The following UBE2S variants were observed in gnomAD, a reference collection of about 807,000 sequenced individuals.
UBE2S encodes ubiquitin-conjugating enzyme E2 S.
A neutral mutation model predicts 12.3 loss-of-function variants in UBE2S; 3 were observed. The ratio of observed to expected loss-of-function variants is 0.24; its 90% confidence interval spans 0.11 to 0.63. UBE2S has a LOEUF of 0.63. Ranked by LOEUF, UBE2S falls within the 30% of genes least tolerant of loss-of-function variation. UBE2S has a pLI of 0.85. For synonymous variants in UBE2S, 133 were observed against 142.0 expected, an observed-to-expected ratio of 0.94 and a Z score of 0.45; for missense variants, 211 against 313.9, an observed-to-expected ratio of 0.67 and a Z score of 2.48.
intron 1 of UBE2S, 82 bp from the exon 2 acceptor site, chr19:55,407,044 A>G: frequency 6.6e-7 from 1 of 1,522,052 alleles, no homozygotes; most frequent in Non-Finnish European, 8.9e-7. Flanking sequence ...AGACTGCCCA[A>G]GTCTTGACTC....
In UBE2S at chr19:55,404,587, G is replaced by T; in HGVS notation, c.152-109C>A. The T allele has an allele frequency of 1.1e-6, 1 of 890,122 alleles. No individual in the cohort carries two copies. Among genetic ancestry groups the T allele is most frequent in the Non-Finnish European group, 1.7e-6 (1 of 588,288 alleles). 55.1% of individuals were successfully genotyped at this position (890,122 alleles called of 1,614,324 possible). A position where few individuals can be genotyped will look rare whatever the true frequency, so the allele number is the denominator to read the frequency against. On this transcript the variant is annotated intron_variant, in intron 2 of 3. Transcript: ENST00000264552. This position sits in a 1 kb window ranked among gnomAD's most constrained non-coding sequence, Gnocchi z 4.4. ...TGATTGTGATGCAGGTGGGTGCCCC[G>T]CCAACTCTGCCAACAGACTGGAGGA...
In UBE2S at chr19:55,402,314, C is replaced by G. The variant is rs1209140731; in HGVS notation, c.343-552G>C. 2.0e-5 allele frequency among the ~76,000 whole-genome samples: 3 copies of G among 152,216 alleles called. No individual in the cohort carries two copies. In the East Asian group the frequency reaches 5.8e-4, roughly 29 times the overall value. On this transcript the variant is annotated intron_variant, in intron 3 of 3. Transcript: ENST00000264552. ...TGACCTCTGTCTTTTATCAGACATC[C>G]GAAGTTCACAGCCTAAGACTCTAGC...
At position 55,399,960 on chromosome 19, in the gene UBE2S, C is replaced by T. The variant is rs943929108; in HGVS notation, c.*1476G>A. On this transcript the variant is annotated 3_prime_UTR_variant, in exon 4 of 4. Transcript: ENST00000264552. ...TTTCTTCCCTTGTCTTTCCTTCGCT[C>T]CCTGCACTGCTAGAGGTAGAGAGGA... 3 of 152,150 alleles carry T rather than the reference C, an allele frequency of 2.0e-5. No homozygotes were observed. Among genetic ancestry groups the T allele is most frequent in the African/African-American group, 4.8e-5 (2 of 41,430 alleles). 9.4% of individuals were successfully genotyped at this position (152,150 alleles called of 1,614,324 possible).
rs1259009714 is a variant in UBE2S, at chr19:55,406,942, T to C, written c.24A>G (p.Leu8=). MNSNVEN[L]PPHIIRLVYK... is the part of the protein sequence containing the mutation. ...ACACCAGGCGGATGATGTGCGGGGG[T>C]AGGTTCTCCACGTTGGAGTTCTGGG... Residue 8 remains leucine (L), a synonymous_variant, in exon 2 of 4, where the codon CTA becomes CTG. Transcript: ENST00000264552. 1.2e-6 allele frequency: 2 copies of C among 1,613,196 alleles called. No individual in the cohort carries two copies. The highest frequency in any genetic ancestry group is 8.5e-7 in the Non-Finnish European group (1 of 1,179,648).
In UBE2S at chr19:55,404,555, CA is replaced by C; in HGVS notation, c.152-78del. 1 of 1,355,962 alleles carries C rather than the reference CA, an allele frequency of 7.4e-7. No homozygotes were observed. Among genetic ancestry groups the C allele is most frequent in the Non-Finnish European group, 1.0e-6 (1 of 999,712 alleles). The allele number at this position is 1,355,962 out of a possible 1,614,324, so 84.0% of individuals were successfully genotyped here. A position where few individuals can be genotyped will look rare whatever the true frequency, so the allele number is the denominator to read the frequency against. On this transcript the variant is annotated intron_variant, in intron 2 of 3. Coordinates refer to ENST00000264552, the MANE Select transcript of UBE2S (RefSeq NM_014501.3). The surrounding 1 kb of genome is among the most constrained non-coding windows in gnomAD (Gnocchi z 4.4). ...CCTCAACACCCCAAAGTCCAGTCTC[CA>C]CGGTCTGATTGTGATGCAGGTGGGT...
intron 2 of UBE2S, among the ~76,000 whole-genome samples, chr19:55,405,685 T>C (rs1217540114): frequency 6.6e-6 from 1 of 152,100 alleles, no homozygotes; most frequent in Non-Finnish European, 1.5e-5. Context: ...CACAGGCCCT[T>C]CCCAGGTGGC....
At chr19:55,406,556 A>T (rs1412443747) in intron 2 of UBE2S, among the ~76,000 whole-genome samples, 2 of 152,174 alleles carry the variant, frequency 1.3e-5, no homozygotes, top group Non-Finnish European at 2.9e-5. Context: ...CCTCAGGTCC[A>T]GGGAAGCCAT....
chr19:55,400,149 C>G lies in UBE2S; in HGVS notation c.*1287G>C, dbSNP rs2123304132. On this transcript the variant is annotated 3_prime_UTR_variant, in exon 4 of 4. Coordinates refer to ENST00000264552, the MANE Select transcript of UBE2S (RefSeq NM_014501.3). The stretch of plus-strand genomic sequence containing the variant: ...AGGACAAAAGCAGCCTTTGAGTTTT[C>G]CACTCTCCTATGGGTCAGAACTTGT... 1.3e-5 allele frequency: 2 copies of G among 152,256 alleles called. No homozygotes were observed. Among genetic ancestry groups the G allele is most frequent in the East Asian group, 3.9e-4 (2 of 5,170 alleles). The allele number at this position is 152,256 out of a possible 1,614,324, so 9.4% of individuals were successfully genotyped here.
chr19:55,402,696 C>G (rs1600319361), intron 3 of UBE2S, among the ~76,000 whole-genome samples: 1 of 152,190 alleles, frequency 6.6e-6, no homozygotes, highest in Non-Finnish European at 1.5e-5. Context: ...GCTGGCTGAG[C>G]CCCTGACAGG....
At chr19:55,403,180 A>T (rs569780521) in intron 3 of UBE2S, 240 of 671,602 alleles carry the variant, frequency 3.6e-4, no homozygotes, top group Middle Eastern at 1.6e-3. Context: ...TGGGGGGCAA[A>T]ATCACCTCTG....
rs751915967 is a variant in UBE2S, at chr19:55,401,640, G to A, written c.465C>T (p.His155=). 1.5e-5 allele frequency: 24 copies of A among 1,607,510 alleles called. No individual in the cohort carries two copies. The highest frequency in any genetic ancestry group is 8.9e-5 in the East Asian group (4 of 44,748). ...TGCCGCTGGGCCCGCCGGCGCCCCC[G>A]TGGATCTCTGTGAGCAGACGGGCCC... is the stretch of plus-strand genomic sequence containing the variant. The part of the protein sequence containing the change: ...AARARLLTEI[H]GGAGGPSGRA... Residue 155 remains histidine (H), a synonymous_variant, in exon 4 of 4, where the codon CAC becomes CAT. Transcript: ENST00000264552.
rs768602325 is a variant in UBE2S at position 55,401,776 on chromosome 19, C to G, written c.343-14G>C. The G allele has an allele frequency of 6.2e-7, 1 of 1,612,826 alleles. No homozygotes were observed. Among genetic ancestry groups the G allele is most frequent in the African/African-American group, 1.3e-5 (1 of 74,948 alleles). Reference sequence around the variant, plus strand: ...GCACTTGATGGTCTGTGGGAAGAGGCTCAGGGTCACAGTGGGTCGGGCAAC... The same window carrying G: ...GCACTTGATGGTCTGTGGGAAGAGGGTCAGGGTCACAGTGGGTCGGGCAAC... On this transcript the variant is annotated splice_polypyrimidine_tract_variant and intron_variant, in intron 3 of 3. Coordinates refer to ENST00000264552, the MANE Select transcript of UBE2S (RefSeq NM_014501.3).
At position 55,401,176 on chromosome 19, in the gene UBE2S, C is replaced by CA. The variant is rs2090054815; in HGVS notation, c.*259dup. On this transcript the variant is annotated 3_prime_UTR_variant, in exon 4 of 4. Transcript: ENST00000264552. ...GGTGAGCTAGATGGACCCACTGCTG[C>CA]AGTCCATGAGGCTTTACAAGGACCC... 1.8e-6 allele frequency: 1 copy of CA among 540,588 alleles called. No individual in the cohort carries two copies. Among genetic ancestry groups the CA allele is most frequent in the African/African-American group, 1.9e-5 (1 of 51,738 alleles). 33.5% of individuals were successfully genotyped at this position (540,588 alleles called of 1,614,324 possible). A position where few individuals can be genotyped will look rare whatever the true frequency, so the allele number is the denominator to read the frequency against.
At chr19:55,407,047 C>G in intron 1 of UBE2S, 85 bp from the exon 2 acceptor site, 1 of 1,513,950 alleles carries the variant, frequency 6.6e-7, no homozygotes, top group Non-Finnish European at 8.9e-7. Flanking sequence ...CTGCCCAAGT[C>G]TTGACTCAGT....
At chr19:55,402,529 A>G (rs1431603084) in intron 3 of UBE2S, among the ~76,000 whole-genome samples, 1 of 152,160 alleles carries the variant, frequency 6.6e-6, no homozygotes, top group Non-Finnish European at 1.5e-5. Flanking sequence ...GTCTGGGCAA[A>G]CTGGCCACAG....
Position 55,404,043 on chromosome 19 carries a change from C to A in UBE2S, c.342+245G>T. 1 of 504,700 alleles carries A rather than the reference C, an allele frequency of 2.0e-6. No homozygotes were observed. Among genetic ancestry groups the A allele is most frequent in the Non-Finnish European group, 3.5e-6 (1 of 285,836 alleles). The allele number at this position is 504,700 out of a possible 1,614,324, so 31.3% of individuals were successfully genotyped here. A position where few individuals can be genotyped will look rare whatever the true frequency, so the allele number is the denominator to read the frequency against. On this transcript the variant is annotated intron_variant, in intron 3 of 3. Coordinates refer to ENST00000264552, the MANE Select transcript of UBE2S (RefSeq NM_014501.3). The surrounding 1 kb of genome is among the most constrained non-coding windows in gnomAD (Gnocchi z 4.4). ...AAAAAAGGGAGAAGAGAAAAACCATCCTACAATACAAACTCACCACTCGTT... is the reference window on the plus strand; with the variant it reads ...AAAAAAGGGAGAAGAGAAAAACCATACTACAATACAAACTCACCACTCGTT...
Position 55,400,258 on chromosome 19 carries a change from C to T in UBE2S, c.*1178G>A, listed in dbSNP as rs2090047277. ...CACGTTCGTCTTTAACTCCTGGCCT[C>T]AAGTGATCCTTTCACCTCCTAAAGT... On this transcript the variant is annotated 3_prime_UTR_variant, in exon 4 of 4. Transcript: ENST00000264552. 6.6e-6 allele frequency: 1 copy of T among 152,224 alleles called. No individual in the cohort carries two copies. Among genetic ancestry groups the T allele is most frequent in the African/African-American group, 2.4e-5 (1 of 41,458 alleles). The allele number at this position is 152,224 out of a possible 1,614,324, so 9.4% of individuals were successfully genotyped here.
intron 1 of UBE2S, among the ~76,000 whole-genome samples, chr19:55,407,339 G>A (rs1393936620): frequency 2.0e-5 from 3 of 152,132 alleles, no homozygotes; most frequent in Non-Finnish European, 4.4e-5. Flanking sequence ...TGGCGGCGGG[G>A]CGTCCTTGCT....
chr19:55,401,857 C>A, intron 3 of UBE2S, 95 bp from the exon 4 acceptor site: 1 of 1,308,838 alleles, frequency 7.6e-7, no homozygotes, highest in Non-Finnish European at 1.1e-6. Context: ...GCTGTTCCTT[C>A]TGCTCCCAAC....
Sources: allele counts gnomAD v4.1 joint callset (sites outside exome capture counted in the v4.1 genomes callset), GRCh38; gene constraint gnomAD v4.1.1; non-coding constraint Gnocchi (gnomAD v3.1); transcripts MANE v1.5; gene names NCBI Gene and HGNC (gene_info 2026-07-23, HGNC 2026-07-21).